DYDC2: variants seen among roughly 807,000 people sequenced by gnomAD.
DYDC2 encodes DPY30 domain containing 2, also known as DPY30 domain-containing protein 2.
A neutral mutation model predicts 18.7 loss-of-function variants in DYDC2; 19 were observed. The ratio of observed to expected loss-of-function variants is 1.02; its 90% confidence interval spans 0.71 to 1.49. The LOEUF (loss-of-function observed/expected upper bound fraction) is 1.49, where lower values mean the gene tolerates loss of function less well. Among genes scored for constraint, DYDC2 ranks in the 40% most tolerant of loss-of-function variants. The pLI is 0.00. For missense variants in DYDC2, 179 were observed against 205.1 expected (o/e 0.87, Z 0.78); for synonymous variants, 63 against 67.6 (o/e 0.93, Z 0.34).
At chr10:80,351,913 G>A (rs770919480), upstream of DYDC2, 5 of 1,614,100 alleles carry the variant, frequency 3.1e-6, no homozygotes, top group Non-Finnish European at 8.5e-7. Context: ...GCTGAAGTAA[G>A]AGCTCCTCTG....
Position 80,366,716 on chromosome 10 carries a change from A to G in DYDC2, c.299A>G (p.Lys100Arg), listed in dbSNP as rs760746359. The G allele has an allele frequency of 6.2e-7, 1 of 1,607,234 alleles. No individual in the cohort carries two copies. The highest frequency in any genetic ancestry group is 8.5e-7 in the Non-Finnish European group (1 of 1,177,230). The change falls in exon 5 of 5, where the codon AAG becomes AGG. Residue 100 changes from lysine (K) to arginine (R), a missense_variant. Coordinates refer to ENST00000256039, the MANE Select transcript of DYDC2 (RefSeq NM_032372.6). ...CTGACTTCTGAAACTGTTTCCACGA[A>G]GAAGACCATATTCATGCAGGAGGAC... Reference protein sequence around the residue: ...KELTSETVSTKKTIFMQEDTN... With the variant: ...KELTSETVSTRKTIFMQEDTN...
Position 80,351,765 on chromosome 10 carries a change from C to T in DYDC2, c.-309-4532C>T, listed in dbSNP as rs560996694. The T allele has an allele frequency of 1.0e-4, 77 of 755,142 alleles. 1 individual carries two copies. In the Admixed American group the frequency reaches 1.6e-3, roughly 16 times the overall value. 46.8% of individuals were successfully genotyped at this position (755,142 alleles called of 1,614,324 possible). A position where few individuals can be genotyped will look rare whatever the true frequency, so the allele number is the denominator to read the frequency against. On this transcript the variant is annotated intron_variant, in intron 1 of 4. Transcript: ENST00000372197. ...GCTTCTCCAGCAAAGAAGACACACA[C>T]ATCCATAAAGATGAAGATATTAGGA...
rs36027713 is a variant in DYDC2 at position 80,366,785 on chromosome 10, C to G, written c.368C>G (p.Pro123Arg). Residue 123 changes from proline to arginine, a missense_variant, in exon 5 of 5, where the codon CCA (proline) becomes CGA (arginine). Transcript: ENST00000256039. ...EKEALKQEFL[P>R]GTSSLIPGMP... ...GAGGCCTTGAAGCAGGAATTCCTGC[C>G]AGGTACTTCCAGTCTGATTCCAGGA... is the stretch of plus-strand genomic sequence containing the variant. 39,204 of 1,614,154 alleles carry G rather than the reference C, an allele frequency of 0.024. 607 individuals are homozygous for G. The highest frequency in any genetic ancestry group is 0.028 in the Non-Finnish European group (33,182 of 1,180,016).
intron 1 of DYDC2, among the ~76,000 whole-genome samples, chr10:80,345,673 C>G (rs1842571530): frequency 6.6e-6 from 1 of 152,000 alleles, no homozygotes; most frequent in African/African-American, 2.4e-5. Flanking sequence ...TCTACATAGA[C>G]AGCATGTGGT....
intron 1 of DYDC2, among the ~76,000 whole-genome samples, chr10:80,357,578 C>T (rs959103099): frequency 2.0e-5 from 3 of 152,142 alleles, no homozygotes; most frequent in Admixed American, 6.5e-5. Context: ...AGTTTCACAA[C>T]TCTGCACCTT....
chr10:80,366,035 T>G (rs944521890), intron 4 of DYDC2, among the ~76,000 whole-genome samples: 6 of 128,654 alleles, frequency 4.7e-5, no homozygotes, highest in Non-Finnish European at 9.3e-5. Context: ...TCTCTTTTTT[T>G]TTTTTTTTTT....
upstream of DYDC2, chr10:80,356,474 C>A (rs1843374394): frequency 1.0e-6 from 1 of 985,346 alleles, no homozygotes; most frequent in Non-Finnish European, 1.2e-6. Flanking sequence ...TTTTCCCACC[C>A]GGGAGTCTGG....
chr10:80,359,001 AT>A (rs1011241873), intron 2 of DYDC2, among the ~76,000 whole-genome samples: 6 of 152,184 alleles, frequency 3.9e-5, no homozygotes, highest in Admixed American at 3.9e-4. Flanking sequence ...CAGCAGCAAG[AT>A]TTACTACAAA....
At chr10:80,359,538 C>A (rs756876690) in intron 2 of DYDC2, among the ~76,000 whole-genome samples, 10 of 152,146 alleles carry the variant, frequency 6.6e-5, no homozygotes, top group Non-Finnish European at 1.5e-4. Context: ...CCGGGCACCG[C>A]GGAGCAGTGG....
At chr10:80,344,798 C>T in exon 1 of DYDC2, 1 of 288,242 alleles carries the variant, frequency 3.5e-6, no homozygotes, top group Non-Finnish European at 6.7e-6. Context: ...TCTGAGACCT[C>T]CCCAGCAATG....
At position 80,367,922 on chromosome 10, in the gene DYDC2, C is replaced by G. The variant is rs1056288412; in HGVS notation, c.*971C>G. On this transcript the variant is annotated 3_prime_UTR_variant, in exon 5 of 5. Coordinates refer to ENST00000256039, the MANE Select transcript of DYDC2 (RefSeq NM_032372.6). ...CCATCATCACCATCCGGCTGCAAAA[C>G]TCTTTCATCTTGCAAAACTGAAACT... 1.4e-5 allele frequency: 2 copies of G among 141,524 alleles called. No individual in the cohort carries two copies. The highest frequency in any genetic ancestry group is 5.4e-5 in the African/African-American group (2 of 36,716). The allele number at this position is 141,524 out of a possible 1,614,324, so 8.8% of individuals were successfully genotyped here.
chr10:80,352,316 G>A, upstream of DYDC2: 1 of 1,243,094 alleles, frequency 8.0e-7, no homozygotes. Flanking sequence ...TCTCCTTCCT[G>A]CTTTTCATGT....
At chr10:80,360,347 C>G (rs979101903) in intron 2 of DYDC2, among the ~76,000 whole-genome samples, 9 of 152,198 alleles carry the variant, frequency 5.9e-5, no homozygotes, top group Non-Finnish European at 1.2e-4. Flanking sequence ...CTAGAGGATA[C>G]CCTTGGCTCA....
chr10:80,364,772 T>G (rs959968768), intron 4 of DYDC2, among the ~76,000 whole-genome samples: 1 of 152,226 alleles, frequency 6.6e-6, no homozygotes, highest in African/African-American at 2.4e-5. Flanking sequence ...TGGAAATTGA[T>G]TCCCTATGTT....
In DYDC2 at chr10:80,366,945, T is replaced by G. The variant is rs748779500; in HGVS notation, c.528T>G (p.Pro176=). 1 of 1,611,532 alleles carries G rather than the reference T, an allele frequency of 6.2e-7. No homozygotes were observed. The highest frequency in any genetic ancestry group is 1.1e-5 in the South Asian group (1 of 90,678). The stretch of plus-strand genomic sequence containing the variant: ...AAATGCCTCCTGGCTCCAAATCTCC[T>G]TTTTAGGTTACAGAAGGTAGATGCT... ...AHEMPPGSKS[P]F is the part of the protein sequence containing the mutation. The change falls in exon 5 of 5, where the codon CCT becomes CCG. Residue 176 remains proline (P), a synonymous_variant. Coordinates refer to ENST00000256039, the MANE Select transcript of DYDC2 (RefSeq NM_032372.6).
rs529878991 is a variant in DYDC2, at chr10:80,362,824, G to T, written c.148-127G>T. 5.0e-5 allele frequency: 67 copies of T among 1,338,900 alleles called. No individual in the cohort carries two copies. In the African/African-American group the frequency reaches 8.5e-4, roughly 17 times the overall value. The allele number at this position is 1,338,900 out of a possible 1,614,324, so 82.9% of individuals were successfully genotyped here. A position where few individuals can be genotyped will look rare whatever the true frequency, so the allele number is the denominator to read the frequency against. On this transcript the variant is annotated intron_variant, in intron 3 of 4. Coordinates refer to ENST00000256039, the MANE Select transcript of DYDC2 (RefSeq NM_032372.6). ...GGTTTGTAACTACTAGCAGGCTAAA[G>T]CTAGTTACAAGAGGAAACTCAACAG...
At chr10:80,351,874 C>G, upstream of DYDC2, 1 of 1,603,210 alleles carries the variant, frequency 6.2e-7, no homozygotes, top group Non-Finnish European at 8.5e-7. Context: ...AATTCCAGTC[C>G]CCTCTGAACT....
At chr10:80,350,260 T>C (rs1218120981) in intron 1 of DYDC2, among the ~76,000 whole-genome samples, 3 of 152,232 alleles carry the variant, frequency 2.0e-5, no homozygotes, top group Admixed American at 2.0e-4. Flanking sequence ...AACTTGTTAT[T>C]GCTAGTATTG....
intron 1 of DYDC2, among the ~76,000 whole-genome samples, chr10:80,349,560 T>A (rs889384764): frequency 1.3e-5 from 2 of 152,252 alleles, no homozygotes; most frequent in East Asian, 3.8e-4. Flanking sequence ...AGGTAATTTC[T>A]TAGTATTCCT....
Sources: gnomAD v4.1 joint callset for allele counts (sites outside exome capture counted in the v4.1 genomes callset) on GRCh38, gnomAD v4.1.1 for gene constraint, MANE v1.5 for transcripts, NCBI Gene and HGNC (gene_info 2026-07-23, HGNC 2026-07-21) for gene names.